Variants in CASP8 observed in about 807,000 individuals in gnomAD.
CASP8 encodes caspase-8.
A neutral mutation model predicts 46.3 loss-of-function variants in CASP8; 24 were observed. That is an observed-to-expected ratio of 0.52 (90% CI 0.38 to 0.73). The LOEUF (loss-of-function observed/expected upper bound fraction) is 0.73. Among genes scored for constraint, CASP8 ranks in the 30% least tolerant of loss-of-function variants. CASP8 has a pLI of 0.00. For missense variants in CASP8, 460 were observed against 559.0 expected (o/e 0.82, Z 1.79); for synonymous variants, 188 against 200.4 (o/e 0.94, Z 0.52).
At chr2:201,245,484 G>A (rs906049514) in intron 2 of CASP8, among the ~76,000 whole-genome samples, 3 of 152,214 alleles carry the variant, frequency 2.0e-5, no homozygotes, top group Non-Finnish European at 4.4e-5. Context: ...CAAGTGATCC[G>A]CCCACCTCGG....
intron 2 of CASP8, chr2:201,269,492 C>G: frequency 6.3e-7 from 1 of 1,594,796 alleles, no homozygotes; most frequent in Non-Finnish European, 8.6e-7. Context: ...TTGTGCCCAC[C>G]ATCTTGGTCC....
At chr2:201,280,600 C>G (rs1249944252) in intron 7 of CASP8, among the ~76,000 whole-genome samples, 2 of 152,124 alleles carry the variant, frequency 1.3e-5, no homozygotes, top group African/African-American at 4.8e-5. Context: ...AAGACTCATA[C>G]AGGGGCTCAA....
intron 2 of CASP8, among the ~76,000 whole-genome samples, chr2:201,239,022 G>T (rs1302667185): frequency 1.3e-5 from 2 of 152,158 alleles, no homozygotes; most frequent in Admixed American, 1.3e-4. Flanking sequence ...ATCTTGCACC[G>T]CCCTTAATCC....
rs1947851937 is a variant in CASP8, at chr2:201,266,738, G to A, written c.252G>A (p.Glu84=). The A allele has an allele frequency of 6.2e-7, 1 of 1,613,918 alleles. No homozygotes were observed. The change falls in exon 2 of 9, where the codon GAG becomes GAA. Residue 84 remains glutamate, a synonymous_variant. Coordinates refer to ENST00000673742, the MANE Select transcript of CASP8 (RefSeq NM_001372051.1). The surrounding 1 kb of genome is among the most constrained non-coding windows in gnomAD (Gnocchi z 5.7). The part of the protein sequence containing the change: ...LLITYLNTRK[E]EMERELQTPG... ...TTACCTACCTAAACACTAGAAAGGA[G>A]GAGATGGAAAGGGAACTTCAGACAC...
intron 7 of CASP8, among the ~76,000 whole-genome samples, chr2:201,282,533 C>A (rs1472179189): frequency 8.8e-6 from 1 of 113,392 alleles, no homozygotes; most frequent in Non-Finnish European, 2.1e-5. Context: ...GCGCCCCTCA[C>A]CTCCCAGATG....
At chr2:201,257,338 C>T (rs183153116), upstream of CASP8, among the ~76,000 whole-genome samples, 24 of 151,726 alleles carry the variant, frequency 1.6e-4, no homozygotes, top group African/African-American at 5.8e-4. Flanking sequence ...AAAAATTAGC[C>T]GGGGGTGGTG....
At chr2:201,282,792 G>C (rs1239618688) in intron 7 of CASP8, among the ~76,000 whole-genome samples, 1 of 84,964 alleles carries the variant, frequency 1.2e-5, no homozygotes, top group South Asian at 6.7e-4. Flanking sequence ...CTCACCTCCC[G>C]GACGGGGCAG....
At chr2:201,263,895 A>T (rs6723097) in intron 1 of CASP8, among the ~76,000 whole-genome samples, 2 of 152,062 alleles carry the variant, frequency 1.3e-5, no homozygotes, top group African/African-American at 2.4e-5. Context: ...GTAAAAATTC[A>T]AACAGTACAA....
chr2:201,237,401 A>G (rs376867122), intron 2 of CASP8, among the ~76,000 whole-genome samples: 96 of 148,212 alleles, frequency 6.5e-4, no homozygotes, highest in African/African-American at 2.2e-3. Flanking sequence ...CCTTTTCTCT[A>G]TCTTTATGAA....
chr2:201,252,019 G>A (rs1257412021), intron 2 of CASP8, among the ~76,000 whole-genome samples: 1 of 152,208 alleles, frequency 6.6e-6, no homozygotes, highest in Non-Finnish European at 1.5e-5. Context: ...CCTTGCCAAT[G>A]TTTGGTGGTG....
intron 7 of CASP8, among the ~76,000 whole-genome samples, chr2:201,278,419 T>A (rs1246577834): frequency 6.6e-6 from 1 of 152,170 alleles, no homozygotes; most frequent in African/African-American, 2.4e-5. Flanking sequence ...TTCCAAAGGA[T>A]CAGAATTTTT....
chr2:201,255,321 G>A (rs754263274), intron 2 of CASP8, among the ~76,000 whole-genome samples: 10 of 152,214 alleles, frequency 6.6e-5, no homozygotes, highest in Non-Finnish European at 1.3e-4. Context: ...CAAGTGATCC[G>A]CCTACCTCAA....
chr2:201,246,414 G>A (rs1160162337), intron 2 of CASP8, among the ~76,000 whole-genome samples: 1 of 152,066 alleles, frequency 6.6e-6, no homozygotes, highest in Admixed American at 6.6e-5. Context: ...CTATGCCATC[G>A]TGTCTCGGAA....
At chr2:201,259,526 T>TC (rs1271164503), upstream of CASP8, among the ~76,000 whole-genome samples, 2 of 151,954 alleles carry the variant, frequency 1.3e-5, no homozygotes, top group African/African-American at 4.8e-5. Flanking sequence ...TGGTGAAGAG[T>TC]CCTTTTCAGA....
chr2:201,252,431 A>C (rs2125005653), intron 2 of CASP8, among the ~76,000 whole-genome samples: 1 of 152,238 alleles, frequency 6.6e-6, no homozygotes, highest in Middle Eastern at 3.4e-3. Flanking sequence ...GTGTGCCACC[A>C]TGCCCAGCTA....
At chr2:201,237,438 TAA>T (rs774127508) in intron 2 of CASP8, among the ~76,000 whole-genome samples, 36 of 46,064 alleles carry the variant, frequency 7.8e-4, no homozygotes, top group Non-Finnish European at 1.3e-3. Context: ...ATCTTCAGAG[TAA>T]AAAAAAAAAA....
At chr2:201,282,024 G>A in intron 7 of CASP8, 1 of 250,340 alleles carries the variant, frequency 4.0e-6, no homozygotes. Context: ...GTGGAGGGAA[G>A]GTCAGCAGAT....
In CASP8 at chr2:201,262,639, G is replaced by T. The variant is rs930103370; in HGVS notation, c.-27+2026G>T. ...TTTTATTTTCTTTTTATACTTCTCT[G>T]TACTTTCTCTATGAAACAAGTGTTA... On this transcript the variant is annotated intron_variant, in intron 1 of 8. Transcript: ENST00000673742. Among the ~76,000 whole-genome samples, 8 of 152,190 alleles carry T rather than the reference G, an allele frequency of 5.3e-5. No individual in the cohort carries two copies. In the East Asian group the frequency reaches 1.5e-3, roughly 29 times the overall value.
chr2:201,278,989 G>GA (rs1192099527), intron 7 of CASP8, among the ~76,000 whole-genome samples: 1 of 151,604 alleles, frequency 6.6e-6, no homozygotes, highest in Non-Finnish European at 1.5e-5. Context: ...TGGGGGAGTT[G>GA]AAAAAAAAGA....
Sources: gnomAD v4.1 joint callset for allele counts (sites outside exome capture counted in the v4.1 genomes callset) on GRCh38, gnomAD v4.1.1 for gene constraint, Gnocchi (gnomAD v3.1) non-coding constraint, MANE v1.5 for transcripts, NCBI Gene and HGNC (gene_info 2026-07-23, HGNC 2026-07-21) for gene names.